The following MYO1D variants were observed in gnomAD, a reference collection of about 807,000 sequenced individuals.
MYO1D encodes the protein unconventional myosin-Id.
A neutral mutation model predicts 122.0 loss-of-function variants in MYO1D; 83 were observed. The ratio of observed to expected loss-of-function variants is 0.68; its 90% CI spans 0.57 to 0.82. The LOEUF (loss-of-function observed/expected upper bound fraction) is 0.82. Among genes scored for constraint, MYO1D ranks in the 40% least tolerant of loss-of-function variants. The pLI, the probability that MYO1D is intolerant of heterozygous loss-of-function variation, is 0.00. For synonymous variants in MYO1D, 464 were observed against 446.9 expected, an observed-to-expected ratio of 1.04 and a Z score of -0.48; for missense variants, 1,157 against 1,269.5, an observed-to-expected ratio of 0.91 and a Z score of 1.35.
chr17:32,568,884 T>C lies in MYO1D; in HGVS notation c.2864+36203A>G, dbSNP rs977268525. Among the ~76,000 whole-genome samples, 5 of 152,246 alleles carry C rather than the reference T, an allele frequency of 3.3e-5. No individual in the cohort carries two copies. The South Asian group carries it at 6.2e-4, about 19-fold the overall frequency. On this transcript the variant is annotated intron_variant, in intron 21 of 21. Transcript: ENST00000318217. ...ACTGGAATTACAGGTCCAGCCTCTA[T>C]GCTCCTATGCATCTTGACTGGACAC...
intron 1 of MYO1D, among the ~76,000 whole-genome samples, chr17:32,875,008 GC>G (rs1598174912): frequency 2.0e-5 from 3 of 152,158 alleles, no homozygotes; most frequent in Non-Finnish European, 4.4e-5. Flanking sequence ...TAGACTCTAT[GC>G]CTTCAATTTC....
intron 20 of MYO1D, among the ~76,000 whole-genome samples, chr17:32,608,743 C>T (rs908224771): frequency 3.9e-5 from 6 of 152,258 alleles, no homozygotes; most frequent in East Asian, 1.9e-4. Context: ...AAGCTGGAAA[C>T]GACCCAAATA....
intron 1 of MYO1D, among the ~76,000 whole-genome samples, chr17:32,836,717 T>A (rs2090828275): frequency 6.6e-6 from 1 of 152,228 alleles, no homozygotes; most frequent in African/African-American, 2.4e-5. Flanking sequence ...TTACATTAAC[T>A]ATTATAGTTA....
chr17:32,606,719 C>T (rs2087632258), intron 20 of MYO1D, among the ~76,000 whole-genome samples: 1 of 152,260 alleles, frequency 6.6e-6, no homozygotes, highest in South Asian at 2.1e-4. Context: ...ATGACATATA[C>T]AACATGCCAC....
intron 1 of MYO1D, among the ~76,000 whole-genome samples, chr17:32,849,558 C>T (rs149390661): frequency 0.028 from 4,220 of 149,182 alleles, 200 homozygotes; most frequent in African/African-American, 0.1. Flanking sequence ...AGTAAACTAT[C>T]GCAAGAACAA....
intron 21 of MYO1D, among the ~76,000 whole-genome samples, chr17:32,526,346 A>AT (rs1269959296): frequency 1.3e-5 from 2 of 152,210 alleles, no homozygotes; most frequent in Non-Finnish European, 2.9e-5. Flanking sequence ...ATTACATCAA[A>AT]TTATTTGCCC....
intron 1 of MYO1D, among the ~76,000 whole-genome samples, chr17:32,874,609 C>A (rs893933741): frequency 6.6e-6 from 1 of 152,192 alleles, no homozygotes; most frequent in East Asian, 1.9e-4. Context: ...CCTAGAGTAC[C>A]TTGCACACAG....
chr17:32,710,595 A>T (rs1207678671), intron 16 of MYO1D, among the ~76,000 whole-genome samples: 1 of 152,220 alleles, frequency 6.6e-6, no homozygotes, highest in Non-Finnish European at 1.5e-5. Flanking sequence ...GACTTTGATT[A>T]TGTCAAAATT....
chr17:32,817,933 C>T (rs992808926), intron 1 of MYO1D, among the ~76,000 whole-genome samples: 4 of 150,400 alleles, frequency 2.7e-5, no homozygotes, highest in Admixed American at 1.3e-4. Context: ...GAGACCATCC[C>T]GGCTAAAACG....
At chr17:32,639,653 C>T (rs1329540692) in intron 19 of MYO1D, among the ~76,000 whole-genome samples, 1 of 152,074 alleles carries the variant, frequency 6.6e-6, no homozygotes, top group Non-Finnish European at 1.5e-5. Flanking sequence ...CCTCCTGCCT[C>T]CTAAGTTGTT....
rs148170493 is a variant in MYO1D, at chr17:32,605,415, C to T, written c.2710-174G>A. On this transcript the variant is annotated intron_variant, in intron 20 of 21. Transcript: ENST00000318217. ...TTTGAATCCAGCCTGGACAACATAA[C>T]GAGACACCATCCCTAAAAACAACAA... 1.8e-4 allele frequency among the ~76,000 whole-genome samples: 27 copies of T among 152,176 alleles called. No homozygotes were observed. In the East Asian group the frequency reaches 5.2e-3, roughly 29 times the overall value.
At chr17:32,822,422 G>A (rs1024539113) in intron 1 of MYO1D, among the ~76,000 whole-genome samples, 1 of 151,978 alleles carries the variant, frequency 6.6e-6, no homozygotes, top group African/African-American at 2.4e-5. Flanking sequence ...CCGTCCGTCC[G>A]TTCGTCTTCC....
At chr17:32,677,159 G>A (rs537942398) in intron 16 of MYO1D, among the ~76,000 whole-genome samples, 77 of 152,024 alleles carry the variant, frequency 5.1e-4, no homozygotes, top group Admixed American at 1.1e-3. Context: ...TTGCCTTTGT[G>A]AATTCTTTTA....
chr17:32,798,254 G>C (rs2090434589), intron 1 of MYO1D, among the ~76,000 whole-genome samples: 1 of 151,676 alleles, frequency 6.6e-6, no homozygotes, highest in African/African-American at 2.4e-5. Context: ...AATTAATGAA[G>C]GGCCAGACAC....
chr17:32,511,227 T>G (rs1308935294), intron 21 of MYO1D, among the ~76,000 whole-genome samples: 1 of 131,338 alleles, frequency 7.6e-6, no homozygotes, highest in African/African-American at 3.8e-5. Flanking sequence ...GCTCACTCTG[T>G]TTTTTTTTTT....
intron 19 of MYO1D, among the ~76,000 whole-genome samples, chr17:32,640,322 C>T (rs931434192): frequency 1.3e-5 from 2 of 152,038 alleles, no homozygotes; most frequent in Non-Finnish European, 2.9e-5. Flanking sequence ...ATTTTTCTTT[C>T]TTTTTTTCTT....
rs1166586281 is a variant in MYO1D, at chr17:32,776,011, A to C, written c.417T>G (p.Leu139=). 5 of 1,613,736 alleles carry C rather than the reference A, an allele frequency of 3.1e-6. No individual in the cohort carries two copies. The highest frequency in any genetic ancestry group is 2.2e-5 in the East Asian group (1 of 44,836). The change falls in exon 4 of 22, where the codon CTT becomes CTG. Residue 139 remains leucine (L), a synonymous_variant. Coordinates refer to ENST00000318217, the MANE Select transcript of MYO1D (RefSeq NM_015194.3). ...AAGCTTCCAAAACACAGTTGGACTT[A>C]AGCAACATATTCTTCACTCTTTAAC... The part of the protein sequence containing the change: ...AEVERVKNML[L]KSNCVLEAFG...
intron 21 of MYO1D, among the ~76,000 whole-genome samples, chr17:32,521,467 T>A (rs1910136188): frequency 6.6e-6 from 1 of 152,168 alleles, no homozygotes; most frequent in Non-Finnish European, 1.5e-5. Context: ...TAAGGAGGAA[T>A]TTTCAGTTCC....
intron 20 of MYO1D, among the ~76,000 whole-genome samples, chr17:32,637,888 C>A (rs2088127877): frequency 6.6e-6 from 1 of 152,070 alleles, no homozygotes; most frequent in African/African-American, 2.4e-5. Context: ...ACTAAAAGGA[C>A]CCCTGACTTA....
Sources: allele counts gnomAD v4.1 joint callset (sites outside exome capture counted in the v4.1 genomes callset), GRCh38; gene constraint gnomAD v4.1.1; transcripts MANE v1.5; gene names NCBI Gene and HGNC (gene_info 2026-07-23, HGNC 2026-07-21).